The following LONRF1 variants were observed in gnomAD, a reference collection of about 807,000 sequenced individuals.
The protein encoded by LONRF1 is LON peptidase N-terminal domain and ring finger 1, also known as LON peptidase N-terminal domain and RING finger protein 1.
Under a neutral mutation model 85.8 loss-of-function variants are expected in LONRF1, and 37 were observed. That is an observed-to-expected ratio of 0.43 (90% CI 0.33 to 0.57). LONRF1 has a LOEUF of 0.57. LONRF1 is among the 20% of genes least tolerant of loss of function. The probability of loss-of-function intolerance (pLI) is 0.04; values close to 1 mark genes in which losing one functional copy is unlikely to be tolerated. For synonymous variants in LONRF1, 517 were observed against 390.1 expected (o/e 1.33, Z -3.83); for missense variants, 1,036 against 978.0 (o/e 1.06, Z -0.79).
chr8:12,738,587 A>G (rs1798811320), intron 3 of LONRF1: 1 of 152,410 alleles, frequency 6.6e-6, no homozygotes, highest in African/African-American at 2.4e-5. Flanking sequence ...AAAACTACAA[A>G]ATTCCCTGTA....
At chr8:12,745,406 A>ACTTT in intron 1 of LONRF1, among the ~76,000 whole-genome samples, 1 of 5,366 alleles carries the variant, frequency 1.9e-4, no homozygotes, top group East Asian at 0.056. Context: ...GGACCATCAC[A>ACTTT]CTGATCTCAA....
intron 1 of LONRF1, chr8:12,754,142 GC>G: frequency 6.6e-6 from 1 of 152,016 alleles, no homozygotes; most frequent in Non-Finnish European, 1.5e-5. Context: ...AACGCCCCCC[GC>G]CCCCAGCTTA....
At chr8:12,723,901 C>T (rs1446253161) in intron 11 of LONRF1, among the ~76,000 whole-genome samples, 1 of 152,162 alleles carries the variant, frequency 6.6e-6, no homozygotes, top group Non-Finnish European at 1.5e-5. Flanking sequence ...TGAAAAGGTC[C>T]TGGTAATGCT....
chr8:12,734,265 T>C (rs200597725), intron 7 of LONRF1, among the ~76,000 whole-genome samples: 1 of 149,268 alleles, frequency 6.7e-6, no homozygotes, highest in Admixed American at 6.7e-5. Flanking sequence ...GTTTTACATA[T>C]CAGCTTGTTA....
At chr8:12,737,559 T>C (rs1011925874) in intron 4 of LONRF1, among the ~76,000 whole-genome samples, 6 of 152,130 alleles carry the variant, frequency 3.9e-5, no homozygotes, top group Non-Finnish European at 8.8e-5. Flanking sequence ...ATTTTATTAA[T>C]ATATCAGGGA....
intron 7 of LONRF1, among the ~76,000 whole-genome samples, chr8:12,733,446 CTTAT>C (rs1256510669): frequency 6.6e-6 from 1 of 152,034 alleles, no homozygotes; most frequent in African/African-American, 2.4e-5. Flanking sequence ...TGGTTATTGC[CTTAT>C]TTAAGAAAAG....
intron 1 of LONRF1, chr8:12,753,556 G>C (rs1270330431): frequency 6.6e-6 from 1 of 152,208 alleles, no homozygotes. Flanking sequence ...TCTCCCACTA[G>C]ATGTCGGTAC....
At chr8:12,731,188 C>T (rs563213828) in intron 8 of LONRF1, among the ~76,000 whole-genome samples, 5 of 152,244 alleles carry the variant, frequency 3.3e-5, no homozygotes, top group South Asian at 4.1e-4. Flanking sequence ...CTTACCGAAT[C>T]CCAAAGTTGC....
intron 1 of LONRF1, among the ~76,000 whole-genome samples, chr8:12,747,781 C>G (rs142004766): frequency 6.7e-6 from 1 of 149,112 alleles, no homozygotes; most frequent in East Asian, 1.9e-4. Context: ...TTTTAGAAAA[C>G]TGGCTCATTT....
At chr8:12,734,633 T>G (rs1437336456) in intron 7 of LONRF1, among the ~76,000 whole-genome samples, 1 of 152,200 alleles carries the variant, frequency 6.6e-6, no homozygotes, top group Non-Finnish European at 1.5e-5. Flanking sequence ...CACTGATCAC[T>G]GACTCTACAA....
chr8:12,747,069 G>A (rs896300944), intron 1 of LONRF1, among the ~76,000 whole-genome samples: 4 of 152,156 alleles, frequency 2.6e-5, no homozygotes, highest in Non-Finnish European at 5.9e-5. Context: ...TCCTGGCTTT[G>A]ATAAATGTTT....
chr8:12,748,729 T>A lies in LONRF1; in HGVS notation c.722-5447A>T, dbSNP rs373224710. On this transcript the variant is annotated intron_variant, in intron 1 of 11. Coordinates refer to ENST00000398246, the MANE Select transcript of LONRF1 (RefSeq NM_152271.5). ...ATAAAGTTCTCTATTCATATTCCTTTTCTCATTTTTCTGAGTGTCTTTTTC... is the reference window on the plus strand; with the variant it reads ...ATAAAGTTCTCTATTCATATTCCTTATCTCATTTTTCTGAGTGTCTTTTTC... Among the ~76,000 whole-genome samples the A allele has an allele frequency of 2.0e-5, 3 of 152,190 alleles. No homozygotes were observed. In the East Asian group the frequency reaches 5.8e-4, roughly 29 times the overall value.
At chr8:12,731,927 C>T in intron 7 of LONRF1, 70 bp from the exon 8 acceptor site, 1 of 1,412,314 alleles carries the variant, frequency 7.1e-7, no homozygotes, top group Non-Finnish European at 9.8e-7. Flanking sequence ...ACACAGTTAA[C>T]TGATATATTA....
In LONRF1 at chr8:12,755,053, C is replaced by T; in HGVS notation, c.368G>A (p.Cys123Tyr). 1 of 1,478,904 alleles carries T rather than the reference C, an allele frequency of 6.8e-7. No homozygotes were observed. Among genetic ancestry groups the T allele is most frequent in the Non-Finnish European group, 8.9e-7 (1 of 1,120,732 alleles). 91.6% of individuals were successfully genotyped at this position (1,478,904 alleles called of 1,614,324 possible). ...ADGGAGGLLR[C>Y]LGCRGFLSEP... is the part of the protein sequence containing the mutation. The stretch of plus-strand genomic sequence containing the variant: ...GCTCAGGAAGCCCCGGCAGCCCAGG[C>T]ATCTGAGGAGCCCGCCGGCGCCGCC... The change falls in exon 1 of 12, where the codon TGC becomes TAC. Residue 123 changes from cysteine to tyrosine, a missense_variant. Transcript: ENST00000398246.
At chr8:12,726,503 G>A (rs1055065959) in intron 10 of LONRF1, among the ~76,000 whole-genome samples, 3 of 152,220 alleles carry the variant, frequency 2.0e-5, no homozygotes, top group Admixed American at 1.3e-4. Flanking sequence ...GAACCCCTCA[G>A]TGTATTCTTT....
intron 11 of LONRF1, among the ~76,000 whole-genome samples, chr8:12,725,090 T>A (rs772890968): frequency 2.0e-5 from 3 of 152,248 alleles, no homozygotes; most frequent in Admixed American, 6.5e-5. Flanking sequence ...GATCAGATTT[T>A]CCAGGAGCCA....
chr8:12,748,274 G>C (rs1199295829), intron 1 of LONRF1, among the ~76,000 whole-genome samples: 1 of 152,060 alleles, frequency 6.6e-6, no homozygotes, highest in Non-Finnish European at 1.5e-5. Flanking sequence ...GCATTAACAT[G>C]GCTCACCGCA....
intron 7 of LONRF1, among the ~76,000 whole-genome samples, chr8:12,733,325 T>C (rs1403404941): frequency 3.0e-5 from 1 of 33,700 alleles, no homozygotes; most frequent in Non-Finnish European, 1.7e-4. Context: ...AAAATCTCAA[T>C]AAATGTAACA....
At chr8:12,740,808 T>A in intron 3 of LONRF1, 66 bp downstream of exon 3, 2 of 1,122,768 alleles carry the variant, frequency 1.8e-6, no homozygotes, top group East Asian at 3.2e-5. Flanking sequence ...TTTTATTAGC[T>A]TTTTTTTTTA....
Sources: gnomAD v4.1 joint callset for allele counts (sites outside exome capture counted in the v4.1 genomes callset) on GRCh38, gnomAD v4.1.1 for gene constraint, MANE v1.5 for transcripts, NCBI Gene and HGNC (gene_info 2026-07-23, HGNC 2026-07-21) for gene names.